STAB2: variants seen among roughly 807,000 people sequenced by gnomAD.
STAB2 encodes stabilin-2.
In STAB2, 288 loss-of-function variants were observed where a neutral mutation model predicts 338.1. The ratio of observed to expected loss-of-function variants is 0.85; its 90% CI spans 0.77 to 0.94. The LOEUF is 0.94. Ranked by LOEUF, STAB2 falls within the 40% of genes least tolerant of loss-of-function variation. STAB2 has a pLI of 0.00. For synonymous variants in STAB2, 1,202 were observed against 1,193.3 expected (o/e 1.01, Z -0.15); for missense variants, 3,141 against 3,210.1 (o/e 0.98, Z 0.52).
intron 15 of STAB2, among the ~76,000 whole-genome samples, chr12:103,658,269 G>A (rs548612804): frequency 6.0e-4 from 92 of 152,190 alleles, no homozygotes; most frequent in Non-Finnish European, 1.2e-4. Flanking sequence ...GAAACAGCAG[G>A]AAGGAAGTGA....
chr12:103,717,931 T>A, intron 44 of STAB2, 90 bp downstream of exon 44: 1 of 1,351,610 alleles, frequency 7.4e-7, no homozygotes, highest in Non-Finnish European at 1.1e-6. Context: ...GTTGAGGAAC[T>A]CTTCCTCTGG....
In STAB2 at chr12:103,713,748, G is replaced by A. The variant is rs1170628286; in HGVS notation, c.4517G>A (p.Gly1506Asp). 3 of 1,613,878 alleles carry A rather than the reference G, an allele frequency of 1.9e-6. No homozygotes were observed. The highest frequency in any genetic ancestry group is 2.5e-6 in the Non-Finnish European group (3 of 1,179,926). ...RVCTCKAGYTGDGIVCLEINP... is the reference protein window; with the variant it reads ...RVCTCKAGYTDDGIVCLEINP... ...TGCACGTGCAAAGCAGGCTACACGG[G>A]TGATGGCATTGTGTGCCTGGGTAGG... is the stretch of plus-strand genomic sequence containing the variant. The change falls in exon 42 of 69, where the codon GGT becomes GAT. Residue 1506 changes from glycine (G) to aspartate (D), a missense_variant. Transcript: ENST00000388887.
At position 103,587,540 on chromosome 12, in the gene STAB2, G is replaced by T; in HGVS notation, c.64G>T (p.Ala22Ser). 1 of 1,613,976 alleles carries T rather than the reference G, an allele frequency of 6.2e-7. No homozygotes were observed. Among genetic ancestry groups the T allele is most frequent in the South Asian group, 1.1e-5 (1 of 91,066 alleles). The change falls in exon 1 of 69, where the codon GCT becomes TCT. Residue 22 changes from alanine to serine, a missense_variant. Ala to Ser is a moderately conservative substitution (Grantham distance 99, BLOSUM62 1). Transcript: ENST00000388887. ...GLVVQNFCSP[A>S]ETTGQARRCD... ...GGTTGTACAAAATTTCTGCTCCCCA[G>T]CTGAAACCACAGGGCAGGTAAGAGG...
chr12:103,753,108 G>A (rs1883807520), intron 60 of STAB2, 112 bp from the exon 61 acceptor site: 1 of 1,356,056 alleles, frequency 7.4e-7, no homozygotes, highest in African/African-American at 1.5e-5. Flanking sequence ...GGCTTCTGGA[G>A]ACACCCTGGG....
In STAB2 at chr12:103,670,822, C is replaced by G; in HGVS notation, c.2371+15C>G. Reference sequence around the variant, plus strand: ...GTGTAACAAAAGTAAGTGGCACTTCCAGAGCTTCCTTCCACTCCTAAGCAA... The same window carrying G: ...GTGTAACAAAAGTAAGTGGCACTTCGAGAGCTTCCTTCCACTCCTAAGCAA... On this transcript the variant is annotated intron_variant, in intron 22 of 68. Transcript: ENST00000388887. The G allele has an allele frequency of 6.2e-7, 1 of 1,603,538 alleles. No homozygotes were observed. The highest frequency in any genetic ancestry group is 8.5e-7 in the Non-Finnish European group (1 of 1,172,102).
At chr12:103,737,594 CTCTCTCTTTCTCT>C in intron 52 of STAB2, 27 bp from the exon 53 acceptor site, 1 of 1,393,886 alleles carries the variant, frequency 7.2e-7, no homozygotes, top group Non-Finnish European at 9.6e-7. Context: ...CTCTCTCTCT[CTCTCTCTTTCTCT>C]TTTTTTTTTT....
chr12:103,617,912 T>G (rs2138622368), intron 3 of STAB2, among the ~76,000 whole-genome samples: 1 of 152,330 alleles, frequency 6.6e-6, no homozygotes, highest in South Asian at 2.1e-4. Flanking sequence ...TTAGACTGTG[T>G]CGTTTACTAA....
chr12:103,749,170 TC>T lies in STAB2; in HGVS notation c.6438+17del. The stretch of plus-strand genomic sequence containing the variant: ...ATGACAGGCCCGGTGAGTCGCTCTT[TC>T]CCAGGGAAATTTGGGAGCAGCGCCG... On this transcript the variant is annotated intron_variant, in intron 59 of 68. Coordinates refer to ENST00000388887, the MANE Select transcript of STAB2 (RefSeq NM_017564.10). 1 of 1,584,454 alleles carries T rather than the reference TC, an allele frequency of 6.3e-7. No homozygotes were observed.
chr12:103,625,313 G>A (rs184234236), intron 5 of STAB2, among the ~76,000 whole-genome samples: 291 of 152,306 alleles, frequency 1.9e-3, no homozygotes, highest in Non-Finnish European at 3.4e-3. Context: ...TTCACACTTA[G>A]TGTTGTGGAG....
chr12:103,642,487 G>T (rs1872999226), intron 9 of STAB2, among the ~76,000 whole-genome samples: 1 of 152,168 alleles, frequency 6.6e-6, no homozygotes, highest in Non-Finnish European at 1.5e-5. Context: ...GTACAGGTTG[G>T]GATATCCTCA....
intron 39 of STAB2, among the ~76,000 whole-genome samples, chr12:103,710,374 G>A (rs1164053920): frequency 6.6e-6 from 1 of 152,156 alleles, no homozygotes; most frequent in Non-Finnish European, 1.5e-5. Context: ...GAAAAATTGT[G>A]GTATGGAGTA....
chr12:103,717,928 A>G lies in STAB2; in HGVS notation c.4683+87A>G, dbSNP rs1593278138. The G allele has an allele frequency of 2.2e-6, 3 of 1,381,804 alleles. No individual in the cohort carries two copies. The African/African-American group carries it at 4.3e-5, about 20-fold the overall frequency. 85.6% of individuals were successfully genotyped at this position (1,381,804 alleles called of 1,614,324 possible). On this transcript the variant is annotated intron_variant, in intron 44 of 68. Coordinates refer to ENST00000388887, the MANE Select transcript of STAB2 (RefSeq NM_017564.10). ...ACTTCTCGGGGATGCAGAGTTGAGG[A>G]ACTCTTCCTCTGGAGGCCTCAGAGC...
chr12:103,598,313 TG>T (rs1956906944), intron 3 of STAB2, among the ~76,000 whole-genome samples: 1 of 152,170 alleles, frequency 6.6e-6, no homozygotes, highest in Non-Finnish European at 1.5e-5. Context: ...TGGTCTCTTG[TG>T]GGGCAGGAAG....
In STAB2 at chr12:103,712,651, T is replaced by TA. The variant is rs767511916; in HGVS notation, c.4411+214dup. ...ACAATTGGGATCACCTGGGAAGCTT[T>TA]AAAAAACAGTGATTTGTGTTGAGAA... On this transcript the variant is annotated intron_variant, in intron 41 of 68. Coordinates refer to ENST00000388887, the MANE Select transcript of STAB2 (RefSeq NM_017564.10). Among the ~76,000 whole-genome samples, 8 of 152,290 alleles carry TA rather than the reference T, an allele frequency of 5.3e-5. No homozygotes were observed. The East Asian group carries it at 1.4e-3, about 26-fold the overall frequency.
At chr12:103,692,769 G>C in intron 30 of STAB2, 43 bp from the exon 31 acceptor site, 1 of 1,524,848 alleles carries the variant, frequency 6.6e-7, no homozygotes, top group Non-Finnish European at 9.1e-7. Flanking sequence ...CCCAAGGTGC[G>C]CTCTATAAAG....
intron 44 of STAB2, among the ~76,000 whole-genome samples, chr12:103,724,704 T>C (rs558776308): frequency 6.6e-6 from 1 of 152,264 alleles, no homozygotes; most frequent in Non-Finnish European, 1.5e-5. Flanking sequence ...CTGAGAAATT[T>C]CCAATTTGGC....
At chr12:103,663,585 C>T (rs953392460) in intron 18 of STAB2, among the ~76,000 whole-genome samples, 1 of 152,028 alleles carries the variant, frequency 6.6e-6, no homozygotes, top group Non-Finnish European at 1.5e-5. Context: ...TGGACTTAAG[C>T]GATCCTCTCA....
chr12:103,748,839 A>G, intron 58 of STAB2, 124 bp from the exon 59 acceptor site: 1 of 984,688 alleles, frequency 1.0e-6, no homozygotes, highest in Non-Finnish European at 1.5e-6. Context: ...AGAGAGAAGC[A>G]CGAACACGCA....
Position 103,731,609 on chromosome 12 carries a change from T to C in STAB2, c.5257T>C (p.Tyr1753His). Residue 1753 changes from tyrosine to histidine, a missense_variant, in exon 50 of 69, where the codon TAC (tyrosine) becomes CAC (histidine). Physicochemically the swap from Tyr to His is moderately conservative, Grantham distance 83. Coordinates refer to ENST00000388887, the MANE Select transcript of STAB2 (RefSeq NM_017564.10). ...TACGACTTTGGCAACAAACAATGGC[T>C]ACATCAAATTTAGCAACTTAATACA... The part of the protein sequence containing the change: ...NLTTLATNNG[Y>H]IKFSNLIQDS... The C allele has an allele frequency of 1.2e-6, 2 of 1,613,936 alleles. No individual in the cohort carries two copies. Among genetic ancestry groups the C allele is most frequent in the Non-Finnish European group, 1.7e-6 (2 of 1,179,976 alleles).
Sources: gnomAD v4.1 joint callset for allele counts (sites outside exome capture counted in the v4.1 genomes callset) on GRCh38, gnomAD v4.1.1 for gene constraint, MANE v1.5 for transcripts, NCBI Gene and HGNC (gene_info 2026-07-23, HGNC 2026-07-21) for gene names.